NXPH2: variants seen among roughly 807,000 people sequenced by gnomAD.
NXPH2 encodes the protein neurexophilin-2.
Under a neutral mutation model 19.8 loss-of-function variants are expected in NXPH2, and 5 were observed. The ratio of observed to expected loss-of-function variants is 0.25; its 90% CI spans 0.13 to 0.53. The LOEUF is 0.53. Ranked by LOEUF, NXPH2 falls within the 20% of genes least tolerant of loss-of-function variation. NXPH2 has a pLI of 0.96. For synonymous variants in NXPH2, 154 were observed against 127.4 expected (o/e 1.21, Z -1.41); for missense variants, 289 against 322.8 (o/e 0.90, Z 0.80).
At chr2:138,687,340 A>ATAAAT (rs1261341552) in intron 1 of NXPH2, among the ~76,000 whole-genome samples, 1 of 152,190 alleles carries the variant, frequency 6.6e-6, no homozygotes, top group Non-Finnish European at 1.5e-5. Context: ...TTTTGGCTGC[A>ATAAAT]TAAATGTCTT....
chr2:138,753,226 T>C (rs1681851392), intron 1 of NXPH2, among the ~76,000 whole-genome samples: 1 of 152,210 alleles, frequency 6.6e-6, no homozygotes, highest in South Asian at 2.1e-4. Context: ...CTTTGGGTTA[T>C]AATCTAATGT....
intron 1 of NXPH2, among the ~76,000 whole-genome samples, chr2:138,763,100 G>A (rs1936833001): frequency 6.6e-6 from 1 of 152,092 alleles, no homozygotes; most frequent in African/African-American, 2.4e-5. Flanking sequence ...CAGGATGATT[G>A]GAATTGGAAA....
At chr2:138,745,474 C>T (rs992457493) in intron 1 of NXPH2, among the ~76,000 whole-genome samples, 3 of 113,964 alleles carry the variant, frequency 2.6e-5, no homozygotes, top group African/African-American at 1.1e-4. Context: ...CTATGCACAT[C>T]CTTTTCTTCT....
intron 1 of NXPH2, among the ~76,000 whole-genome samples, chr2:138,698,718 G>A (rs1169860077): frequency 6.6e-6 from 1 of 152,256 alleles, no homozygotes; most frequent in Non-Finnish European, 1.5e-5. Flanking sequence ...GCCGGGTGTG[G>A]TGGTGCGTGC....
At chr2:138,774,182 A>T (rs1369388672) in intron 1 of NXPH2, among the ~76,000 whole-genome samples, 1 of 152,230 alleles carries the variant, frequency 6.6e-6, no homozygotes, top group Non-Finnish European at 1.5e-5. Flanking sequence ...GTTTATTTAA[A>T]TTGATGCAAT....
chr2:138,711,366 C>T (rs2104987987), intron 1 of NXPH2, among the ~76,000 whole-genome samples: 1 of 152,110 alleles, frequency 6.6e-6, no homozygotes, highest in South Asian at 2.1e-4. Context: ...GTCTTGATCT[C>T]CTGACCTCAA....
rs533918004 is a variant in NXPH2, at chr2:138,670,897, C to T, written c.*25G>A. 6.3e-7 allele frequency: 1 copy of T among 1,596,272 alleles called. No individual in the cohort carries two copies. Among genetic ancestry groups the T allele is most frequent in the Admixed American group, 1.7e-5 (1 of 58,906 alleles). ...CATTCTAATCAAATACATATGTATC[C>T]CTCATTTCCACCACAGCAGGAAGAT... On this transcript the variant is annotated 3_prime_UTR_variant, in exon 2 of 2. Coordinates refer to ENST00000272641, the MANE Select transcript of NXPH2 (RefSeq NM_007226.3).
At chr2:138,778,068 T>C (rs1682294048) in intron 1 of NXPH2, among the ~76,000 whole-genome samples, 1 of 152,184 alleles carries the variant, frequency 6.6e-6, no homozygotes, top group Admixed American at 6.5e-5. Flanking sequence ...GTAGGGCATA[T>C]GCTGGGATTG....
chr2:138,685,683 A>G (rs1680638845), intron 1 of NXPH2, among the ~76,000 whole-genome samples: 1 of 152,192 alleles, frequency 6.6e-6, no homozygotes, highest in Non-Finnish European at 1.5e-5. Context: ...TATGTAATTT[A>G]TTGATGTTCT....
In NXPH2 at chr2:138,696,753, T is replaced by C. The variant is rs550661154; in HGVS notation, c.52-25088A>G. Reference sequence around the variant, plus strand: ...ATCCAGCAATTTTACTTCTAGGTATTTATCCAAGAGAAATGAGTACATATG... The same window carrying C: ...ATCCAGCAATTTTACTTCTAGGTATCTATCCAAGAGAAATGAGTACATATG... On this transcript the variant is annotated intron_variant, in intron 1 of 1. Transcript: ENST00000272641. 2.0e-5 allele frequency among the ~76,000 whole-genome samples: 3 copies of C among 152,294 alleles called. No individual in the cohort carries two copies. The South Asian group carries it at 6.2e-4, about 32-fold the overall frequency.
chr2:138,700,496 C>T (rs1680903585), intron 1 of NXPH2, among the ~76,000 whole-genome samples: 1 of 152,118 alleles, frequency 6.6e-6, no homozygotes, highest in African/African-American at 2.4e-5. Context: ...AGAATTTTCA[C>T]ATTAGGTTTA....
intron 1 of NXPH2, among the ~76,000 whole-genome samples, chr2:138,694,565 T>C (rs1680799744): frequency 6.6e-6 from 1 of 152,120 alleles, no homozygotes; most frequent in Non-Finnish European, 1.5e-5. Context: ...GACCCTGGAC[T>C]AGAGGCTTCA....
At position 138,671,102 on chromosome 2, in the gene NXPH2, A is replaced by C. The variant is rs1164031883; in HGVS notation, c.615T>G (p.Phe205Leu). 3 of 1,613,992 alleles carry C rather than the reference A, an allele frequency of 1.9e-6. No individual in the cohort carries two copies. Among genetic ancestry groups the C allele is most frequent in the Non-Finnish European group, 2.5e-6 (3 of 1,179,868 alleles). ...CCTGGTAGCAGATCTTGGATGGGTC[A>C]AAGTTGCACAGGGCGGTCTTTTTCG... ...DRAKKTALCNFDPSKICYQEQ... is the reference protein window; with the variant it reads ...DRAKKTALCNLDPSKICYQEQ... Residue 205 changes from phenylalanine to leucine, a missense_variant, in exon 2 of 2, where the codon TTT becomes TTG. Physicochemically the swap from Phe to Leu is conservative, Grantham distance 22. Coordinates refer to ENST00000272641, the MANE Select transcript of NXPH2 (RefSeq NM_007226.3).
intron 1 of NXPH2, among the ~76,000 whole-genome samples, chr2:138,768,472 T>A (rs1682126426): frequency 6.6e-6 from 1 of 152,202 alleles, no homozygotes; most frequent in Admixed American, 6.5e-5. Flanking sequence ...AGCTAAGGCG[T>A]ATGACCCAAA....
chr2:138,752,060 A>C, intron 1 of NXPH2, among the ~76,000 whole-genome samples: 1 of 152,318 alleles, frequency 6.6e-6, no homozygotes, highest in East Asian at 1.9e-4. Flanking sequence ...TAAAGCAATA[A>C]AGAATGATTT....
At chr2:138,757,105 T>C (rs914143562) in intron 1 of NXPH2, among the ~76,000 whole-genome samples, 3 of 152,216 alleles carry the variant, frequency 2.0e-5, no homozygotes, top group South Asian at 2.1e-4. Flanking sequence ...AAGAATTGTA[T>C]TGAACACTTT....
chr2:138,775,073 A>C (rs1286204845), intron 1 of NXPH2, among the ~76,000 whole-genome samples: 1 of 152,222 alleles, frequency 6.6e-6, no homozygotes, highest in Non-Finnish European at 1.5e-5. Flanking sequence ...AATTTAGTAT[A>C]CGTGCTACTG....
chr2:138,696,094 T>A (rs1680825556), intron 1 of NXPH2, among the ~76,000 whole-genome samples: 1 of 152,164 alleles, frequency 6.6e-6, no homozygotes, highest in African/African-American at 2.4e-5. Context: ...TATTTTTTAA[T>A]AAAACAGTCA....
At chr2:138,701,838 A>G (rs1680927685) in intron 1 of NXPH2, among the ~76,000 whole-genome samples, 1 of 152,176 alleles carries the variant, frequency 6.6e-6, no homozygotes, top group African/African-American at 2.4e-5. Flanking sequence ...TCTGGCTTGC[A>G]TACGAATCTC....
Sources: gnomAD v4.1 joint callset for allele counts (sites outside exome capture counted in the v4.1 genomes callset) on GRCh38, gnomAD v4.1.1 for gene constraint, MANE v1.5 for transcripts, NCBI Gene and HGNC (gene_info 2026-07-23, HGNC 2026-07-21) for gene names.